Variants in RPS20 observed in about 807,000 individuals in gnomAD.
The protein encoded by RPS20 is ribosomal protein S20, also known as small ribosomal subunit protein uS10.
RPS20 carries 3 observed loss-of-function variants against 15.3 expected under a neutral mutation model. That is an observed-to-expected ratio of 0.20 (90% CI 0.09 to 0.51). RPS20 has a LOEUF of 0.51. RPS20 is among the 20% of genes least tolerant of loss of function. RPS20 has a pLI of 0.96. For missense variants in RPS20, 67 were observed against 145.9 expected, an observed-to-expected ratio of 0.46 and a Z score of 2.79; for synonymous variants, 62 against 47.8, an observed-to-expected ratio of 1.30 and a Z score of -1.23.
chr8:56,068,585 C>G (rs532244786), downstream of RPS20: 3 of 143,148 alleles, frequency 2.1e-5, no homozygotes, highest in South Asian at 2.3e-4. Context: ...AGGTAAGACA[C>G]ACACAAGACC....
downstream of RPS20, among the ~76,000 whole-genome samples, chr8:56,070,020 C>T (rs116634965): frequency 0.019 from 2,960 of 152,168 alleles, 79 homozygotes; most frequent in African/African-American, 0.06. Flanking sequence ...AAATACTATG[C>T]CATTTTATAT....
chr8:56,067,594 G>A (rs1265203323), exon 6 of RPS20: 1 of 151,912 alleles, frequency 6.6e-6, no homozygotes, highest in Non-Finnish European at 1.5e-5. Flanking sequence ...GCTGAGGCAG[G>A]AGAATGGCAT....
At chr8:56,073,026 C>T, downstream of RPS20, 1 of 1,562,522 alleles carries the variant, frequency 6.4e-7, no homozygotes, top group Non-Finnish European at 8.6e-7. Flanking sequence ...TAAAATCTGC[C>T]AGTATTCTGA....
intron 3 of RPS20, 81 bp downstream of exon 3, chr8:56,073,614 G>T (rs751821668): frequency 2.0e-5 from 23 of 1,158,062 alleles, no homozygotes; most frequent in Non-Finnish European, 2.7e-5. Context: ...AACAATTTTG[G>T]CAGCCGAACT....
downstream of RPS20, chr8:56,069,634 T>G: frequency 9.6e-7 from 1 of 1,044,686 alleles, no homozygotes. Flanking sequence ...AAAATTTCAT[T>G]TGCATCCACT....
chr8:56,073,808 T>C (rs1014411925), intron 2 of RPS20, 40 bp from the exon 3 acceptor site: 24 of 1,588,524 alleles, frequency 1.5e-5, no homozygotes, highest in South Asian at 2.2e-5. Context: ...ATCGAAACAA[T>C]TAAAATCGGC....
At chr8:56,070,312 CATA>C (rs1374710444), downstream of RPS20, among the ~76,000 whole-genome samples, 2 of 152,142 alleles carry the variant, frequency 1.3e-5, no homozygotes, top group East Asian at 3.9e-4. Flanking sequence ...TGATCGTCTC[CATA>C]ACCAAGTAAC....
Position 56,074,050 on chromosome 8 carries a change from A to C in RPS20, c.103+10T>G. The C allele has an allele frequency of 6.2e-7, 1 of 1,606,544 alleles. No homozygotes were observed. The highest frequency in any genetic ancestry group is 2.2e-5 in the East Asian group (1 of 44,836). ...ATTCCCCCTCCCCCCCGCATAACGA[A>C]TGCACTGACCCTTTTCCAAGGATTT... On this transcript the variant is annotated intron_variant, in intron 2 of 3. Transcript: ENST00000009589.
rs117493984 is a variant in RPS20 at position 56,073,587 on chromosome 8, T to C, written c.177+108A>G. On this transcript the variant is annotated intron_variant, in intron 3 of 3. Transcript: ENST00000009589. Reference sequence around the variant, plus strand: ...TACCACCGATTTCTATGTGCGTTTGTAGACAGCATCAGTGTTAACAATTTT... The same window carrying C: ...TACCACCGATTTCTATGTGCGTTTGCAGACAGCATCAGTGTTAACAATTTT... 1,609 of 871,378 alleles carry C rather than the reference T, an allele frequency of 1.8e-3. 3 individuals are homozygous for C. The highest frequency in any genetic ancestry group is 2.6e-3 in the Non-Finnish European group (1,343 of 509,436). The allele number at this position is 871,378 out of a possible 1,614,324, so 54.0% of individuals were successfully genotyped here.
intron 2 of RPS20, 50 bp downstream of exon 2, chr8:56,074,010 G>T: frequency 7.1e-7 from 1 of 1,408,074 alleles, no homozygotes; most frequent in Non-Finnish European, 1.0e-6. Context: ...AGTAAAGCTC[G>T]TCGCTTTTCG....
chr8:56,074,274 G>A (rs758457597), intron 1 of RPS20, 107 bp downstream of exon 1: 92 of 1,517,108 alleles, frequency 6.1e-5, no homozygotes, highest in Non-Finnish European at 6.7e-5. Flanking sequence ...GCGCCTTTCC[G>A]CCCCTACACG....
downstream of RPS20, chr8:56,069,715 T>C: frequency 6.5e-7 from 1 of 1,548,122 alleles, no homozygotes; most frequent in Non-Finnish European, 8.7e-7. Context: ...GCTTGGTCAC[T>C]TTTTTGGCGG....
In RPS20 at chr8:56,073,619, C is replaced by G. The variant is rs16920302; in HGVS notation, c.177+76G>C. ...CATCAGTGTTAACAATTTTGGCAGC[C>G]GAACTCCTTAAAGAACCTGAATTTA... On this transcript the variant is annotated intron_variant, in intron 3 of 3. Transcript: ENST00000009589. 8,012 of 1,259,782 alleles carry G rather than the reference C, an allele frequency of 6.4e-3. 218 individuals are homozygous for G. In the African/African-American group the frequency reaches 0.07, roughly 11 times the overall value. 78.0% of individuals were successfully genotyped at this position (1,259,782 alleles called of 1,614,324 possible). A position where few individuals can be genotyped will look rare whatever the true frequency, so the allele number is the denominator to read the frequency against.
chr8:56,070,851 A>G (rs1809733598), downstream of RPS20, among the ~76,000 whole-genome samples: 2 of 152,160 alleles, frequency 1.3e-5, no homozygotes, highest in African/African-American at 4.8e-5. Context: ...GCAAATCCAA[A>G]TAGAGTAAGC....
At chr8:56,069,090 G>A (rs6474043), downstream of RPS20, among the ~76,000 whole-genome samples, 49,677 of 151,518 alleles carry the variant, frequency 0.33, 9,840 homozygotes, top group African/African-American at 0.55. Context: ...CACAATATGT[G>A]AGGCAAAAAT....
chr8:56,069,173 A>G (rs1423631330), downstream of RPS20, among the ~76,000 whole-genome samples: 1 of 152,186 alleles, frequency 6.6e-6, no homozygotes, highest in Non-Finnish European at 1.5e-5. Flanking sequence ...AATTTCTATG[A>G]AAGTGAAATA....
chr8:56,070,381 T>C (rs1334072952), downstream of RPS20, among the ~76,000 whole-genome samples: 1 of 152,202 alleles, frequency 6.6e-6, no homozygotes, highest in Non-Finnish European at 1.5e-5. Flanking sequence ...TCTGTACTCT[T>C]GCCTGTTCAT....
chr8:56,074,278 C>G (rs1039334016), intron 1 of RPS20, 103 bp downstream of exon 1: 27 of 1,537,924 alleles, frequency 1.8e-5, no homozygotes, highest in Non-Finnish European at 2.3e-5. Flanking sequence ...CTTTCCGCCC[C>G]TACACGCCCC....
At chr8:56,069,636 G>T, downstream of RPS20, 1 of 1,047,718 alleles carries the variant, frequency 9.5e-7, no homozygotes, top group Non-Finnish European at 1.4e-6. Context: ...AATTTCATTT[G>T]CATCCACTGA....
Sources: gnomAD v4.1 joint callset for allele counts (sites outside exome capture counted in the v4.1 genomes callset) on GRCh38, gnomAD v4.1.1 for gene constraint, MANE v1.5 for transcripts, NCBI Gene and HGNC (gene_info 2026-07-23, HGNC 2026-07-21) for gene names.